DPY19L1: variants seen among roughly 807,000 people sequenced by gnomAD.
DPY19L1 encodes dpy-19 like C-mannosyltransferase 1.
Under a neutral mutation model 96.9 loss-of-function variants are expected in DPY19L1, and 35 were observed. The observed-to-expected ratio is 0.36, with a 90% confidence interval of 0.28 to 0.48. The LOEUF (loss-of-function observed/expected upper bound fraction) is 0.48. Among genes scored for constraint, DPY19L1 ranks in the 20% least tolerant of loss-of-function variants. The probability of loss-of-function intolerance (pLI) is 0.99; values close to 1 mark genes in which losing one functional copy is unlikely to be tolerated. For synonymous variants in DPY19L1, 205 were observed against 252.6 expected (o/e 0.81, Z 1.79); for missense variants, 521 against 777.9 (o/e 0.67, Z 3.93).
At position 34,962,728 on chromosome 7, in the gene DPY19L1, G is replaced by A. The variant is rs368010393; in HGVS notation, c.1092+4166C>T. Among the ~76,000 whole-genome samples, 156 of 152,000 alleles carry A rather than the reference G, an allele frequency of 1.0e-3. No homozygotes were observed. In the South Asian group the frequency reaches 0.011, roughly 11 times the overall value. ...ACAAAACAAAACACAACAACCACCC[G>A]TAGAAAAGTGAGGCCTAACGTAAAC... On this transcript the variant is annotated intron_variant, in intron 10 of 21. Coordinates refer to ENST00000638088, the MANE Select transcript of DPY19L1 (RefSeq NM_001366673.1).
intron 7 of DPY19L1, among the ~76,000 whole-genome samples, chr7:34,976,732 AAAGT>A (rs1262159670): frequency 6.6e-6 from 1 of 152,198 alleles, no homozygotes; most frequent in African/African-American, 2.4e-5. Flanking sequence ...TATCAACATC[AAAGT>A]AAGACCCTCC....
Position 34,931,651 on chromosome 7 carries a change from C to T in DPY19L1, c.2169G>A (p.Leu723=), listed in dbSNP as rs776339308. Residue 723 remains leucine, a synonymous_variant, in exon 22 of 22, where the codon TTG becomes TTA. Transcript: ENST00000638088. ...NAGKTPLCNL[L]VKDSKPHFTT... ...TGAAGTGAGGTTTGGAATCCTTCAC[C>T]AAGAGGTTACATAAGGGAGTTTTCC... The T allele has an allele frequency of 1.3e-6, 2 of 1,599,524 alleles. No homozygotes were observed. The highest frequency in any genetic ancestry group is 1.7e-6 in the Non-Finnish European group (2 of 1,173,834).
At chr7:34,964,405 A>G (rs542704211) in intron 10 of DPY19L1, among the ~76,000 whole-genome samples, 5 of 152,180 alleles carry the variant, frequency 3.3e-5, no homozygotes, top group Non-Finnish European at 7.4e-5. Flanking sequence ...ATAAAAAACT[A>G]TTTTAAATAG....
chr7:34,944,253 T>C (rs1282772685), intron 16 of DPY19L1, among the ~76,000 whole-genome samples: 2 of 150,714 alleles, frequency 1.3e-5, no homozygotes, highest in Admixed American at 6.6e-5. Context: ...GTCTTAGCTA[T>C]TCAGGAGGCT....
chr7:35,032,050 C>A (rs1480721130), intron 1 of DPY19L1, among the ~76,000 whole-genome samples: 1 of 152,154 alleles, frequency 6.6e-6, no homozygotes, highest in East Asian at 1.9e-4. Context: ...GGCCCTTATG[C>A]CACCCCTAAT....
intron 1 of DPY19L1, among the ~76,000 whole-genome samples, chr7:35,030,311 G>A (rs73110562): frequency 0.27 from 41,435 of 152,062 alleles, 5,783 homozygotes; most frequent in Non-Finnish European, 0.31. Flanking sequence ...ATAAAGCCTC[G>A]CTCTTCTCAA....
At chr7:35,037,722 C>T (rs1442455852), upstream of DPY19L1, 1 of 782,082 alleles carries the variant, frequency 1.3e-6, no homozygotes, top group Non-Finnish European at 1.6e-6. Context: ...CCCGCCGCCC[C>T]TCTGCGCCGG....
chr7:34,943,341 A>G (rs1477515235), intron 16 of DPY19L1, among the ~76,000 whole-genome samples: 1 of 152,242 alleles, frequency 6.6e-6, no homozygotes, highest in Non-Finnish European at 1.5e-5. Flanking sequence ...AGTACTTACA[A>G]TGTTAATATG....
intron 6 of DPY19L1, among the ~76,000 whole-genome samples, chr7:35,008,498 T>G (rs1785619720): frequency 6.6e-6 from 1 of 152,208 alleles, no homozygotes; most frequent in Non-Finnish European, 1.5e-5. Flanking sequence ...CAAGAAAATG[T>G]GAATGCTTTA....
At chr7:34,992,081 G>A (rs1380194500) in intron 6 of DPY19L1, among the ~76,000 whole-genome samples, 1 of 152,128 alleles carries the variant, frequency 6.6e-6, no homozygotes, top group Non-Finnish European at 1.5e-5. Flanking sequence ...AGCTGTGCCC[G>A]GAAGCACTGC....
At chr7:34,965,767 A>G (rs2128666763) in intron 10 of DPY19L1, among the ~76,000 whole-genome samples, 1 of 152,306 alleles carries the variant, frequency 6.6e-6, no homozygotes, top group South Asian at 2.1e-4. Flanking sequence ...ATGAGAGAAG[A>G]CAATGTTTGT....
intron 7 of DPY19L1, among the ~76,000 whole-genome samples, chr7:34,986,313 A>T (rs541738504): frequency 6.6e-6 from 1 of 152,156 alleles, no homozygotes; most frequent in East Asian, 1.9e-4. Flanking sequence ...CACCACAAAA[A>T]ATGCTAAGTT....
chr7:35,007,814 C>T (rs1211406921), intron 6 of DPY19L1, among the ~76,000 whole-genome samples: 3 of 152,038 alleles, frequency 2.0e-5, no homozygotes, highest in African/African-American at 7.2e-5. Flanking sequence ...CACTGCTTGA[C>T]TTTGGGGACT....
At chr7:34,939,140 C>T (rs1783937018) in intron 20 of DPY19L1, 136 bp downstream of exon 20, 1 of 731,324 alleles carries the variant, frequency 1.4e-6, no homozygotes, top group African/African-American at 1.8e-5. Flanking sequence ...CTTATTTCAG[C>T]TTTCTGCTCC....
chr7:34,957,243 A>G (rs1338787739), intron 11 of DPY19L1, among the ~76,000 whole-genome samples: 3 of 152,084 alleles, frequency 2.0e-5, no homozygotes, highest in Non-Finnish European at 4.4e-5. Flanking sequence ...CTAGCCGGGC[A>G]TGGTGGCACA....
At chr7:34,936,706 A>C (rs1783875433) in intron 21 of DPY19L1, among the ~76,000 whole-genome samples, 1 of 152,268 alleles carries the variant, frequency 6.6e-6, no homozygotes, top group Non-Finnish European at 1.5e-5. Context: ...ATTACAAAAT[A>C]ACATTTTCTA....
chr7:34,968,579 G>A (rs533041029), intron 9 of DPY19L1, among the ~76,000 whole-genome samples: 2 of 152,034 alleles, frequency 1.3e-5, no homozygotes, highest in Non-Finnish European at 2.9e-5. Flanking sequence ...GATCATCCTA[G>A]CTAACACGGT....
chr7:34,987,407 G>A (rs1005098333), intron 7 of DPY19L1, among the ~76,000 whole-genome samples: 36 of 152,018 alleles, frequency 2.4e-4, no homozygotes, highest in African/African-American at 8.2e-4. Context: ...AATCTATTAA[G>A]CTATTCATGC....
chr7:35,018,061 T>A, intron 2 of DPY19L1, 92 bp from the exon 3 acceptor site: 1 of 855,140 alleles, frequency 1.2e-6, no homozygotes, highest in Non-Finnish European at 1.7e-6. Flanking sequence ...AAGTATCAGT[T>A]AACTTGCAGA....
Sources: allele counts gnomAD v4.1 joint callset (sites outside exome capture counted in the v4.1 genomes callset), GRCh38; gene constraint gnomAD v4.1.1; transcripts MANE v1.5; gene names NCBI Gene and HGNC (gene_info 2026-07-23, HGNC 2026-07-21).